Variants in CCDC73 observed in about 807,000 individuals in gnomAD.
CCDC73 encodes the protein coiled-coil domain containing 73.
A neutral mutation model predicts 116.5 loss-of-function variants in CCDC73; 95 were observed. The observed-to-expected ratio is 0.82, with a 90% confidence interval of 0.69 to 0.97. CCDC73 has a LOEUF of 0.97. Ranked by LOEUF, CCDC73 falls within the 50% of genes least tolerant of loss-of-function variation. The pLI is 0.00. For missense variants in CCDC73, 1,066 were observed against 1,206.8 expected (o/e 0.88, Z 1.73); for synonymous variants, 398 against 401.3 (o/e 0.99, Z 0.10).
intron 2 of CCDC73, among the ~76,000 whole-genome samples, chr11:32,743,749 A>G (rs1202426820): frequency 1.3e-5 from 2 of 152,180 alleles, no homozygotes; most frequent in Admixed American, 6.5e-5. Flanking sequence ...ATTTTTGCAC[A>G]TTGATTTTGT....
upstream of CCDC73, among the ~76,000 whole-genome samples, chr11:32,798,916 G>T (rs1007916887): frequency 1.7e-3 from 47 of 26,866 alleles, 1 homozygote; most frequent in Admixed American, 5.2e-4. Flanking sequence ...TGTTTGTTTT[G>T]GGGGGGGGCG....
At chr11:32,829,512 G>C in the CCDC73 span, among the ~76,000 whole-genome samples, 1 of 152,284 alleles carries the variant, frequency 6.6e-6, no homozygotes, top group Non-Finnish European at 1.5e-5. Context: ...ACGAATAAAG[G>C]GTATTTTGTC....
intron 2 of CCDC73, among the ~76,000 whole-genome samples, chr11:32,743,960 G>A (rs1479299636): frequency 6.6e-6 from 1 of 152,192 alleles, no homozygotes; most frequent in Admixed American, 6.5e-5. Flanking sequence ...TAGGAGTGGT[G>A]AGAGAGGGCA....
At chr11:32,667,177 C>T (rs1855992367) in intron 9 of CCDC73, among the ~76,000 whole-genome samples, 2 of 152,226 alleles carry the variant, frequency 1.3e-5, no homozygotes, top group South Asian at 4.1e-4. Flanking sequence ...AGAACCACTA[C>T]TCTCTTCGAA....
At chr11:32,718,204 T>C in intron 2 of CCDC73, 57 bp from the exon 3 acceptor site, 1 of 1,165,416 alleles carries the variant, frequency 8.6e-7, no homozygotes, top group South Asian at 1.3e-5. Context: ...AAACTTCCAG[T>C]TTCAGCTCTT....
intron 9 of CCDC73, among the ~76,000 whole-genome samples, chr11:32,671,827 G>C (rs1315039169): frequency 2.6e-5 from 4 of 152,166 alleles, no homozygotes; most frequent in African/African-American, 4.8e-5. Flanking sequence ...ATAGTTTCTA[G>C]AGTGACAGAG....
chr11:32,687,974 A>G (rs1856218697), intron 6 of CCDC73, among the ~76,000 whole-genome samples: 1 of 152,214 alleles, frequency 6.6e-6, no homozygotes, highest in South Asian at 2.1e-4. Flanking sequence ...AACCAAGAAT[A>G]ATTTGATAAA....
intron 2 of CCDC73, among the ~76,000 whole-genome samples, chr11:32,738,796 C>T (rs1430148387): frequency 6.6e-6 from 1 of 151,946 alleles, no homozygotes; most frequent in Non-Finnish European, 1.5e-5. Context: ...TGGAGAGTTT[C>T]CCCCAATATT....
intron 1 of CCDC73, among the ~76,000 whole-genome samples, chr11:32,775,078 T>A (rs1249590495): frequency 6.6e-6 from 1 of 152,218 alleles, no homozygotes; most frequent in African/African-American, 2.4e-5. Flanking sequence ...ATCATTTACA[T>A]TAAATACATC....
chr11:32,739,279 G>A (rs910897500), intron 2 of CCDC73, among the ~76,000 whole-genome samples: 1 of 151,998 alleles, frequency 6.6e-6, no homozygotes, highest in Non-Finnish European at 1.5e-5. Flanking sequence ...GTAGATTGCT[G>A]TGGGTAGTAT....
At chr11:32,629,858 A>C (rs570516746) in intron 14 of CCDC73, among the ~76,000 whole-genome samples, 3 of 150,784 alleles carry the variant, frequency 2.0e-5, no homozygotes, top group African/African-American at 7.3e-5. Flanking sequence ...ATTCTTTAAA[A>C]TTAAGGAGAA....
chr11:32,808,072 C>A, the CCDC73 span, among the ~76,000 whole-genome samples: 1 of 151,610 alleles, frequency 6.6e-6, no homozygotes, highest in African/African-American at 2.4e-5. Flanking sequence ...AACATGATTC[C>A]CAAAATTAAA....
chr11:32,814,356 T>C, the CCDC73 span, among the ~76,000 whole-genome samples: 1 of 152,212 alleles, frequency 6.6e-6, no homozygotes, highest in Non-Finnish European at 1.5e-5. Context: ...GCTAGAAATT[T>C]CTGGATTCTT....
At chr11:32,731,232 G>A (rs111920431) in intron 2 of CCDC73, among the ~76,000 whole-genome samples, 7,455 of 152,230 alleles carry the variant, frequency 0.049, 201 homozygotes, top group African/African-American at 0.068. Context: ...GGGGAGAGGC[G>A]CCCACCACTG....
intron 1 of CCDC73, among the ~76,000 whole-genome samples, chr11:32,779,501 G>A (rs1010845769): frequency 3.9e-5 from 6 of 152,060 alleles, no homozygotes; most frequent in African/African-American, 1.5e-4. Flanking sequence ...CTCAATATTG[G>A]CTACATTCTC....
the CCDC73 span, among the ~76,000 whole-genome samples, chr11:32,815,326 G>A: frequency 6.6e-6 from 1 of 150,444 alleles, no homozygotes; most frequent in Non-Finnish European, 1.5e-5. Context: ...AAAAGTGGTT[G>A]TATTATTTTT....
At chr11:32,621,254 G>A (rs1400346073) in intron 14 of CCDC73, among the ~76,000 whole-genome samples, 1 of 152,144 alleles carries the variant, frequency 6.6e-6, no homozygotes, top group Non-Finnish European at 1.5e-5. Flanking sequence ...GAGGCATCAT[G>A]CTACCTGACT....
chr11:32,661,610 C>G (rs1400107397), intron 9 of CCDC73, among the ~76,000 whole-genome samples: 1 of 151,894 alleles, frequency 6.6e-6, no homozygotes, highest in Non-Finnish European at 1.5e-5. Flanking sequence ...TCATCCATGT[C>G]CCTACAAAGG....
chr11:32,700,644 G>A lies in CCDC73; in HGVS notation c.315+147C>T, dbSNP rs1182769292. On this transcript the variant is annotated intron_variant, in intron 5 of 17. Transcript: ENST00000335185. Reference sequence around the variant, plus strand: ...TGGGTCCTTTCTAAGATTTTAAGCAGTTAACCATCTCTATTAGTTTGTTAC... The same window carrying A: ...TGGGTCCTTTCTAAGATTTTAAGCAATTAACCATCTCTATTAGTTTGTTAC... The A allele has an allele frequency of 1.8e-5, 8 of 438,510 alleles. No individual in the cohort carries two copies. In the East Asian group the frequency reaches 3.0e-4, roughly 16 times the overall value. 27.2% of individuals were successfully genotyped at this position (438,510 alleles called of 1,614,324 possible).
Sources: gnomAD v4.1 joint callset for allele counts (sites outside exome capture counted in the v4.1 genomes callset) on GRCh38, gnomAD v4.1.1 for gene constraint, MANE v1.5 for transcripts, NCBI Gene and HGNC (gene_info 2026-07-23, HGNC 2026-07-21) for gene names.